Variants in DEPDC5 observed in about 807,000 individuals in gnomAD.
DEPDC5 encodes the protein DEP domain containing 5, GATOR1 subcomplex subunit.
DEPDC5 carries 73 observed loss-of-function variants against 217.3 expected under a neutral mutation model. That is an observed-to-expected ratio of 0.34 (90% CI 0.28 to 0.41). The LOEUF is 0.41. Ranked by LOEUF, DEPDC5 falls within the 10% of genes least tolerant of loss-of-function variation. DEPDC5 has a pLI of 1.00. For missense variants in DEPDC5, 1,675 were observed against 2,070.1 expected (o/e 0.81, Z 3.70); for synonymous variants, 733 against 756.7 (o/e 0.97, Z 0.51).
chr22:31,811,416 G>A (rs891121759), intron 20 of DEPDC5, among the ~76,000 whole-genome samples: 7 of 152,148 alleles, frequency 4.6e-5, no homozygotes, highest in Admixed American at 6.5e-5. Context: ...ACAAATTCCA[G>A]AATCTTCCTC....
intron 11 of DEPDC5, among the ~76,000 whole-genome samples, chr22:31,792,503 G>C (rs539106728): frequency 6.6e-6 from 1 of 151,052 alleles, no homozygotes; most frequent in South Asian, 2.1e-4. Flanking sequence ...CTACCCAGGA[G>C]GCTGAGAAAG....
intron 10 of DEPDC5, among the ~76,000 whole-genome samples, chr22:31,786,785 A>C (rs1430180931): frequency 1.3e-5 from 2 of 151,852 alleles, no homozygotes; most frequent in African/African-American, 4.8e-5. Context: ...TTTTGTTTTT[A>C]TTTTTGTAGA....
intron 7 of DEPDC5, 192 bp downstream of exon 7, chr22:31,769,055 T>G: frequency 1.8e-6 from 1 of 559,878 alleles, no homozygotes; most frequent in South Asian, 2.0e-5. Context: ...GGTCAGGAGA[T>G]CAGGACCATA....
At chr22:31,837,255 A>G in intron 26 of DEPDC5, 100 bp downstream of exon 26, 1 of 1,295,294 alleles carries the variant, frequency 7.7e-7, no homozygotes. Context: ...CTTCAGCAAC[A>G]CATATATTAA....
At position 31,843,800 on chromosome 22, in the gene DEPDC5, C is replaced by T; in HGVS notation, c.2789C>T (p.Ser930Phe). 1 of 1,603,148 alleles carries T rather than the reference C, an allele frequency of 6.2e-7. No individual in the cohort carries two copies. Among genetic ancestry groups the T allele is most frequent in the Non-Finnish European group, 8.5e-7 (1 of 1,170,852 alleles). The change falls in exon 29 of 43, where the codon TCT becomes TTT. Residue 930 changes from serine (S) to phenylalanine (F), a missense_variant. By Grantham distance (155) the Ser-to-Phe change is radical (BLOSUM62 -2). Transcript: ENST00000651528. ...GATCAGTATATCTGTTCTGCCGGCT[C>T]TGAAGACTTCAGGTCAGAGAGTGGG... is the stretch of plus-strand genomic sequence containing the variant. ...YLDQYICSAG[S>F]EDFSLIESLK...
At chr22:31,765,554 G>A (rs1451969067) in intron 5 of DEPDC5, among the ~76,000 whole-genome samples, 1 of 152,110 alleles carries the variant, frequency 6.6e-6, no homozygotes, top group African/African-American at 2.4e-5. Flanking sequence ...CTCCCAGAGT[G>A]CTGGGATTCC....
intron 20 of DEPDC5, among the ~76,000 whole-genome samples, chr22:31,812,456 G>T (rs1341545004): frequency 4.3e-5 from 5 of 115,824 alleles, no homozygotes; most frequent in African/African-American, 1.7e-4. Context: ...ACAGAGTCTC[G>T]CTCTGTTGCC....
Position 31,897,496 on chromosome 22 carries a change from T to C in DEPDC5, c.4218T>C (p.His1406=). ...CTTTCCGCCAGGTCCAAGGTTGGCA[T>C]CGGAAAGCCACCTCCTGTGGCTTCT... ...AVLFEMVQGW[H]RKATSCGFLL... Residue 1406 remains histidine (H), a synonymous_variant, in exon 40 of 43, where the codon CAT becomes CAC. Coordinates refer to ENST00000651528, the MANE Select transcript of DEPDC5 (RefSeq NM_001242896.3). The C allele has an allele frequency of 6.2e-7, 1 of 1,612,988 alleles. No individual in the cohort carries two copies. The highest frequency in any genetic ancestry group is 8.5e-7 in the Non-Finnish European group (1 of 1,179,258).
intron 39 of DEPDC5, among the ~76,000 whole-genome samples, chr22:31,895,714 C>G (rs1055518843): frequency 6.6e-6 from 1 of 150,876 alleles, no homozygotes; most frequent in African/African-American, 2.4e-5. Context: ...TTGTCCAGAG[C>G]TCATAGGCTA....
At chr22:31,783,286 T>C (rs1601798988) in intron 8 of DEPDC5, among the ~76,000 whole-genome samples, 1 of 152,116 alleles carries the variant, frequency 6.6e-6, no homozygotes, top group East Asian at 1.9e-4. Context: ...CTTCACAATA[T>C]ATCTTGCTGC....
At chr22:31,775,809 A>G (rs1400289514) in intron 7 of DEPDC5, among the ~76,000 whole-genome samples, 4 of 151,994 alleles carry the variant, frequency 2.6e-5, no homozygotes, top group Admixed American at 6.6e-5. Flanking sequence ...TGGGAGGCCA[A>G]GGCGGGCGGA....
chr22:31,831,513 A>G (rs556037434), intron 24 of DEPDC5, among the ~76,000 whole-genome samples: 2 of 152,104 alleles, frequency 1.3e-5, no homozygotes, highest in South Asian at 2.1e-4. Context: ...GCTGGAGTGC[A>G]GTGGTGTGAT....
At chr22:31,782,013 A>G (rs2084497723) in intron 8 of DEPDC5, among the ~76,000 whole-genome samples, 2 of 152,168 alleles carry the variant, frequency 1.3e-5, no homozygotes, top group African/African-American at 4.8e-5. Context: ...CCTGGGAGAC[A>G]GAGTGAGACC....
At chr22:31,768,312 C>A (rs1338255297) in intron 6 of DEPDC5, among the ~76,000 whole-genome samples, 2 of 150,442 alleles carry the variant, frequency 1.3e-5, no homozygotes, top group Non-Finnish European at 3.0e-5. Flanking sequence ...GTTTTTTTTT[C>A]CATTTTGACA....
chr22:31,802,363 C>A (rs1302144242), intron 14 of DEPDC5, among the ~76,000 whole-genome samples: 1 of 152,062 alleles, frequency 6.6e-6, no homozygotes, highest in African/African-American at 2.4e-5. Flanking sequence ...CTCCTGATTT[C>A]AAGTGATCCG....
intron 31 of DEPDC5, chr22:31,853,384 C>T (rs1037631462): frequency 2.0e-5 from 3 of 152,130 alleles, no homozygotes; most frequent in African/African-American, 4.8e-5. Flanking sequence ...CTCCTTGCCA[C>T]GGATGACTGC....
At chr22:31,822,621 G>A (rs2089803078) in intron 23 of DEPDC5, 72 bp from the exon 24 acceptor site, 19 of 1,471,020 alleles carry the variant, frequency 1.3e-5, no homozygotes, top group Admixed American at 1.8e-5. Context: ...TCCCACCCCC[G>A]GGATATAGGT....
Position 31,906,677 on chromosome 22 carries a change from T to G in DEPDC5, c.*180T>G. 3 of 790,108 alleles carry G rather than the reference T, an allele frequency of 3.8e-6. No individual in the cohort carries two copies. Among genetic ancestry groups the G allele is most frequent in the South Asian group, 1.8e-5 (1 of 55,142 alleles). 48.9% of individuals were successfully genotyped at this position (790,108 alleles called of 1,614,324 possible). Reference sequence around the variant, plus strand: ...TTGTTTTTGGCCCCCACGACAAGTCTTCTACTCTAGAAGAAAGACTTTGGA... The same window carrying G: ...TTGTTTTTGGCCCCCACGACAAGTCGTCTACTCTAGAAGAAAGACTTTGGA... On this transcript the variant is annotated 3_prime_UTR_variant, in exon 43 of 43. Transcript: ENST00000651528. This position sits in a 1 kb window ranked among gnomAD's most constrained non-coding sequence, Gnocchi z 5.1.
chr22:31,902,404 C>T (rs1305666062), intron 41 of DEPDC5, among the ~76,000 whole-genome samples: 3 of 80,528 alleles, frequency 3.7e-5, no homozygotes, highest in Admixed American at 1.5e-4. Context: ...CTGTCATCTC[C>T]TTATTATATA....
Sources: allele counts gnomAD v4.1 joint callset (sites outside exome capture counted in the v4.1 genomes callset), GRCh38; gene constraint gnomAD v4.1.1; non-coding constraint Gnocchi (gnomAD v3.1); transcripts MANE v1.5; gene names NCBI Gene and HGNC (gene_info 2026-07-23, HGNC 2026-07-21).